The following AFAP1 variants were observed in gnomAD, a reference collection of about 807,000 sequenced individuals.
AFAP1 encodes actin filament-associated protein 1.
AFAP1 carries 75 observed loss-of-function variants against 93.9 expected under a neutral mutation model. That is an observed-to-expected ratio of 0.80 (90% CI 0.66 to 0.97). AFAP1 has a LOEUF of 0.97. Ranked by LOEUF, AFAP1 falls within the 50% of genes least tolerant of loss-of-function variation. The pLI is 0.00. For synonymous variants in AFAP1, 517 were observed against 430.7 expected (o/e 1.20, Z -2.48); for missense variants, 1,201 against 1,050.8 (o/e 1.14, Z -1.98).
chr4:7,797,821 G>T lies in AFAP1; in HGVS notation c.1266+2621C>A, dbSNP rs112100816. ...TACATCAAAGTATTTAGGGATAAAAGCACAACATACCTGCAAAAGGTTCTG... is the reference window on the plus strand; with the variant it reads ...TACATCAAAGTATTTAGGGATAAAATCACAACATACCTGCAAAAGGTTCTG... On this transcript the variant is annotated intron_variant, in intron 10 of 17. Coordinates refer to ENST00000420658, the MANE Select transcript of AFAP1 (RefSeq NM_001134647.2). Among the ~76,000 whole-genome samples, 1,475 of 152,226 alleles carry T rather than the reference G, an allele frequency of 9.7e-3. 26 individuals are homozygous for T. The highest frequency in any genetic ancestry group is 0.033 in the African/African-American group (1,387 of 41,530).
chr4:7,809,913 C>T, intron 8 of AFAP1, 150 bp from the exon 9 acceptor site: 1 of 918,492 alleles, frequency 1.1e-6, no homozygotes, highest in East Asian at 2.7e-5. Context: ...GGCTGGAGTG[C>T]AGTGTTGTGA....
chr4:7,826,517 G>T (rs537194069), intron 6 of AFAP1, among the ~76,000 whole-genome samples: 4 of 152,256 alleles, frequency 2.6e-5, no homozygotes, highest in African/African-American at 9.6e-5. Flanking sequence ...AGACCACTTA[G>T]CAAGTGAAAA....
chr4:7,927,511 G>C (rs1720831656), intron 1 of AFAP1, among the ~76,000 whole-genome samples: 1 of 152,198 alleles, frequency 6.6e-6, no homozygotes, highest in Non-Finnish European at 1.5e-5. Context: ...ATTGAACACA[G>C]TAACTTAGCA....
chr4:7,780,849 T>A (rs369641525), intron 13 of AFAP1, among the ~76,000 whole-genome samples: 18 of 152,212 alleles, frequency 1.2e-4, no homozygotes, highest in African/African-American at 4.3e-4. Flanking sequence ...GTACTCTGAA[T>A]AATCTATTTC....
chr4:7,911,243 A>T (rs554820738), intron 1 of AFAP1, among the ~76,000 whole-genome samples: 2 of 152,252 alleles, frequency 1.3e-5, no homozygotes, highest in South Asian at 4.2e-4. Context: ...CCTGTCCCTA[A>T]GGAGCCAGAG....
At chr4:7,799,583 G>T (rs1029352804) in intron 10 of AFAP1, among the ~76,000 whole-genome samples, 28 of 152,158 alleles carry the variant, frequency 1.8e-4, no homozygotes, top group Admixed American at 1.8e-3. Context: ...ACAGCACAAG[G>T]TGCGTGACAT....
At chr4:7,904,480 T>C (rs539344747) in intron 1 of AFAP1, among the ~76,000 whole-genome samples, 63 of 152,150 alleles carry the variant, frequency 4.1e-4, no homozygotes, top group Non-Finnish European at 7.5e-4. Flanking sequence ...GTTGAAATAA[T>C]AACATTTAGT....
chr4:7,804,129 G>C (rs1006952941), intron 9 of AFAP1, among the ~76,000 whole-genome samples: 1 of 152,174 alleles, frequency 6.6e-6, no homozygotes, highest in Non-Finnish European at 1.5e-5. Context: ...TAGCCTGGCT[G>C]ATGAAATCAG....
chr4:7,803,597 G>A (rs1223893603), intron 9 of AFAP1, among the ~76,000 whole-genome samples: 1 of 152,024 alleles, frequency 6.6e-6, no homozygotes, highest in Non-Finnish European at 1.5e-5. Context: ...CTGCAGTGGG[G>A]CGGCAATTCC....
chr4:7,843,724 T>G (rs1560194071), intron 4 of AFAP1: 1 of 195,568 alleles, frequency 5.1e-6, no homozygotes, highest in Non-Finnish European at 1.1e-5. Flanking sequence ...GGAGGTCCCT[T>G]GCCCTCCCAC....
At chr4:7,833,217 C>G (rs1711842185) in intron 6 of AFAP1, among the ~76,000 whole-genome samples, 1 of 152,130 alleles carries the variant, frequency 6.6e-6, no homozygotes, top group Non-Finnish European at 1.5e-5. Context: ...ACAGACAACC[C>G]ACAGAGTGAG....
intron 3 of AFAP1, among the ~76,000 whole-genome samples, chr4:7,864,130 C>A (rs1161576923): frequency 4.6e-4 from 70 of 151,812 alleles, no homozygotes; most frequent in Non-Finnish European, 6.4e-4. Context: ...TTCCCAACTT[C>A]CCATCACAAC....
chr4:7,896,022 G>A (rs1193091985), intron 1 of AFAP1, among the ~76,000 whole-genome samples: 9 of 151,752 alleles, frequency 5.9e-5, no homozygotes, highest in East Asian at 1.9e-4. Flanking sequence ...CACCACACCC[G>A]GCTAATTTTT....
chr4:7,920,154 C>T (rs960445320), intron 1 of AFAP1, among the ~76,000 whole-genome samples: 13 of 152,096 alleles, frequency 8.5e-5, no homozygotes, highest in Non-Finnish European at 1.5e-4. Flanking sequence ...TGGATATATA[C>T]CCGGTAATGG....
chr4:7,921,328 C>T (rs371689369), intron 1 of AFAP1, among the ~76,000 whole-genome samples: 2 of 151,640 alleles, frequency 1.3e-5, no homozygotes, highest in African/African-American at 2.4e-5. Context: ...GGATTACAGG[C>T]GCCCGCCACC....
intron 1 of AFAP1, among the ~76,000 whole-genome samples, chr4:7,915,188 C>T (rs1720019117): frequency 6.6e-6 from 1 of 152,134 alleles, no homozygotes; most frequent in Admixed American, 6.5e-5. Context: ...CAGCCAGCTG[C>T]TCTAGTTTAC....
intron 6 of AFAP1, among the ~76,000 whole-genome samples, chr4:7,828,372 T>C (rs1190084745): frequency 2.6e-5 from 4 of 152,176 alleles, no homozygotes; most frequent in African/African-American, 9.7e-5. Flanking sequence ...TTAGGGTGTT[T>C]TGGTTTATTT....
At chr4:7,844,480 C>G (rs1057408248) in intron 4 of AFAP1, among the ~76,000 whole-genome samples, 1 of 152,230 alleles carries the variant, frequency 6.6e-6, no homozygotes, top group African/African-American at 2.4e-5. Context: ...GACTAATACA[C>G]TAGGTCAAAT....
intron 1 of AFAP1, among the ~76,000 whole-genome samples, chr4:7,892,695 G>C (rs28605531): frequency 0.11 from 17,397 of 152,052 alleles, 1,152 homozygotes; most frequent in Non-Finnish European, 0.16. Context: ...CCTAGAACAC[G>C]AACCCCCAAG....
Sources: allele counts gnomAD v4.1 joint callset (sites outside exome capture counted in the v4.1 genomes callset), GRCh38; gene constraint gnomAD v4.1.1; transcripts MANE v1.5; gene names NCBI Gene and HGNC (gene_info 2026-07-23, HGNC 2026-07-21).